ITGB6: variants seen among roughly 807,000 people sequenced by gnomAD.
The protein encoded by ITGB6 is integrin beta-6.
Under a neutral mutation model 84.5 loss-of-function variants are expected in ITGB6, and 80 were observed. The observed-to-expected ratio is 0.95, with a 90% confidence interval of 0.79 to 1.14. The LOEUF is 1.14. Among genes scored for constraint, ITGB6 ranks in the 50% most tolerant of loss-of-function variants. The pLI is 0.00. For synonymous variants in ITGB6, 383 were observed against 354.9 expected (o/e 1.08, Z -0.89); for missense variants, 1,006 against 968.0 (o/e 1.04, Z -0.52).
intron 4 of ITGB6, among the ~76,000 whole-genome samples, chr2:160,193,147 T>C (rs1024794931): frequency 2.0e-5 from 3 of 152,176 alleles, no homozygotes; most frequent in South Asian, 4.1e-4. Flanking sequence ...CAAAGAGAAG[T>C]AAAAGTATAC....
chr2:160,119,799 T>A (rs1489155691), intron 12 of ITGB6, among the ~76,000 whole-genome samples: 1 of 151,674 alleles, frequency 6.6e-6, no homozygotes, highest in Admixed American at 6.6e-5. Context: ...GAATCTACAA[T>A]GAACTCAAAC....
At chr2:160,193,733 A>T (rs535069066) in intron 4 of ITGB6, among the ~76,000 whole-genome samples, 1 of 152,204 alleles carries the variant, frequency 6.6e-6, no homozygotes, top group Non-Finnish European at 1.5e-5. Flanking sequence ...ACATTCTTGG[A>T]CTGTGAACAT....
chr2:160,135,545 A>T (rs1683673696), intron 10 of ITGB6, among the ~76,000 whole-genome samples: 1 of 152,070 alleles, frequency 6.6e-6, no homozygotes, highest in African/African-American at 2.4e-5. Context: ...CAGAACTGGA[A>T]AAAACTACTT....
chr2:160,167,336 TA>T (rs534341362), intron 7 of ITGB6, among the ~76,000 whole-genome samples: 2 of 152,240 alleles, frequency 1.3e-5, no homozygotes, highest in Non-Finnish European at 2.9e-5. Context: ...TTGTTGCTGT[TA>T]TTATCTTTAG....
Position 160,137,779 on chromosome 2 carries a change from C to G in ITGB6, c.1315G>C (p.Gly439Arg). 1 of 1,614,186 alleles carries G rather than the reference C, an allele frequency of 6.2e-7. No homozygotes were observed. Reference protein sequence around the residue: ...RSRHIIIKPVGLGDALELLVS... With the variant: ...RSRHIIIKPVRLGDALELLVS... ...AGTAATTCCAGGGCATCCCCCAGCC[C>G]CACAGGCTTTATGATAATGTGCCTG... Residue 439 changes from glycine to arginine, a missense_variant, in exon 10 of 15, where the codon GGG (glycine) becomes CGG (arginine). Transcript: ENST00000283249.
intron 12 of ITGB6, among the ~76,000 whole-genome samples, chr2:160,120,941 A>G (rs13014212): frequency 2.7e-5 from 4 of 147,600 alleles, no homozygotes. Flanking sequence ...GGATAGCATT[A>G]GGAGATATAC....
intron 2 of ITGB6, among the ~76,000 whole-genome samples, chr2:160,197,171 C>T (rs1686375480): frequency 6.6e-6 from 1 of 152,110 alleles, no homozygotes; most frequent in South Asian, 2.1e-4. Context: ...TTGCTGGTGC[C>T]TGTAGTCCCA....
At position 160,171,335 on chromosome 2, in the gene ITGB6, TTA is replaced by T. The variant is rs200228090; in HGVS notation, c.921+1232_921+1233del. On this transcript the variant is annotated intron_variant, in intron 6 of 14. Coordinates refer to ENST00000283249, the MANE Select transcript of ITGB6 (RefSeq NM_000888.5). ...TGCTTCAGAAATCAAATTTATTTTT[TTA>T]TTTTTTTTTTTTTTGGAGACGGAGT... 2.3e-4 allele frequency among the ~76,000 whole-genome samples: 33 copies of T among 146,188 alleles called. 8 individuals carry two copies. Among genetic ancestry groups the T allele is most frequent in the South Asian group, 4.5e-4 (2 of 4,446 alleles).
intron 7 of ITGB6, among the ~76,000 whole-genome samples, chr2:160,165,802 A>G (rs1454895579): frequency 1.3e-5 from 2 of 152,174 alleles, no homozygotes; most frequent in African/African-American, 4.8e-5. Flanking sequence ...CTGATGGCAG[A>G]GTGTTCATCT....
chr2:160,134,164 T>G (rs1471716199), intron 10 of ITGB6, among the ~76,000 whole-genome samples: 1 of 152,014 alleles, frequency 6.6e-6, no homozygotes, highest in African/African-American at 2.4e-5. Context: ...CTAGCAAGAC[T>G]AATAAAGAAG....
At chr2:160,126,658 G>A in intron 10 of ITGB6, 57 bp from the exon 11 acceptor site, 1 of 1,486,930 alleles carries the variant, frequency 6.7e-7, no homozygotes. Context: ...CAGATTTGAG[G>A]GGGTGAGGGG....
intron 10 of ITGB6, among the ~76,000 whole-genome samples, chr2:160,131,541 C>T (rs1481534328): frequency 6.6e-6 from 1 of 152,120 alleles, no homozygotes; most frequent in African/African-American, 2.4e-5. Context: ...TTTGTCCCTG[C>T]ACTAAGCACA....
intron 2 of ITGB6, among the ~76,000 whole-genome samples, chr2:160,197,784 A>G (rs1027681621): frequency 9.8e-5 from 15 of 152,368 alleles, no homozygotes; most frequent in African/African-American, 3.4e-4. Flanking sequence ...ACACAGTGTC[A>G]TTGCTATCAC....
chr2:160,137,867 C>T lies in ITGB6; in HGVS notation c.1243-16G>A, dbSNP rs770010853. 1 of 1,609,024 alleles carries T rather than the reference C, an allele frequency of 6.2e-7. No individual in the cohort carries two copies. On this transcript the variant is annotated splice_polypyrimidine_tract_variant and intron_variant, in intron 9 of 14. Transcript: ENST00000283249. ...TGAAGGAAGCCTGGAAAAGAAAATACTAATTATCTCCCTCCATCCACCAAA... is the reference window on the plus strand; with the variant it reads ...TGAAGGAAGCCTGGAAAAGAAAATATTAATTATCTCCCTCCATCCACCAAA...
chr2:160,179,799 T>C (rs1685587076), intron 4 of ITGB6, among the ~76,000 whole-genome samples: 1 of 151,726 alleles, frequency 6.6e-6, no homozygotes. Context: ...CATAAAATGA[T>C]GTTTCAAAAA....
intron 10 of ITGB6, among the ~76,000 whole-genome samples, chr2:160,128,481 T>C (rs1323596501): frequency 6.6e-6 from 1 of 152,134 alleles, no homozygotes; most frequent in Non-Finnish European, 1.5e-5. Flanking sequence ...GAAAGTTTTG[T>C]CTAGACATTT....
At chr2:160,195,072 G>A (rs1167318468) in intron 4 of ITGB6, among the ~76,000 whole-genome samples, 1 of 152,226 alleles carries the variant, frequency 6.6e-6, no homozygotes, top group Non-Finnish European at 1.5e-5. Flanking sequence ...ATCCAGTGGA[G>A]CCTATGGTGA....
intron 7 of ITGB6, among the ~76,000 whole-genome samples, chr2:160,151,539 G>C (rs970901202): frequency 2.6e-5 from 4 of 152,100 alleles, no homozygotes; most frequent in African/African-American, 9.7e-5. Context: ...AAAAGAACTA[G>C]AGAATCAAGA....
chr2:160,106,892 G>A (rs1696929806), intron 14 of ITGB6, among the ~76,000 whole-genome samples: 1 of 152,172 alleles, frequency 6.6e-6, no homozygotes, highest in Non-Finnish European at 1.5e-5. Flanking sequence ...TATCATTGTT[G>A]TTAGAATCAG....
Sources: gnomAD v4.1 joint callset for allele counts (sites outside exome capture counted in the v4.1 genomes callset) on GRCh38, gnomAD v4.1.1 for gene constraint, MANE v1.5 for transcripts, NCBI Gene and HGNC (gene_info 2026-07-23, HGNC 2026-07-21) for gene names.